BBS9: variants seen among roughly 807,000 people sequenced by gnomAD.
BBS9 encodes the protein protein PTHB1.
In BBS9, 89 loss-of-function variants were observed where a neutral mutation model predicts 117.7. The ratio of observed to expected loss-of-function variants is 0.76; its 90% CI spans 0.64 to 0.90. BBS9 has a LOEUF of 0.90. Ranked by LOEUF, BBS9 falls within the 40% of genes least tolerant of loss-of-function variation. The probability of loss-of-function intolerance (pLI) is 0.00; values close to 1 mark genes in which losing one functional copy is unlikely to be tolerated. For missense variants in BBS9, 982 were observed against 1,042.2 expected, an observed-to-expected ratio of 0.94 and a Z score of 0.80; for synonymous variants, 379 against 370.9, an observed-to-expected ratio of 1.02 and a Z score of -0.25.
chr7:33,257,154 TACATG>T (rs1797202631), intron 5 of BBS9, 77 bp from the exon 6 acceptor site: 2 of 982,080 alleles, frequency 2.0e-6, no homozygotes, highest in African/African-American at 3.3e-5. Context: ...GCCTAAGACA[TACATG>T]TTGTAGATAG....
chr7:33,381,949 G>A (rs1173761659), intron 17 of BBS9, among the ~76,000 whole-genome samples: 3 of 152,114 alleles, frequency 2.0e-5, no homozygotes, highest in Non-Finnish European at 4.4e-5. Flanking sequence ...AGAAGTAATT[G>A]CATTTATAAA....
intron 21 of BBS9, among the ~76,000 whole-genome samples, chr7:33,538,744 A>C (rs1851832420): frequency 6.6e-6 from 1 of 151,224 alleles, no homozygotes; most frequent in African/African-American, 2.4e-5. Flanking sequence ...TGTTTTTCCT[A>C]CAGAGAATAC....
intron 5 of BBS9, among the ~76,000 whole-genome samples, chr7:33,257,003 T>C (rs2128311830): frequency 6.6e-6 from 1 of 152,302 alleles, no homozygotes; most frequent in South Asian, 2.1e-4. Flanking sequence ...CTGTGAATAT[T>C]GTGCTTAATA....
chr7:33,266,030 C>T (rs1409466815), intron 7 of BBS9, among the ~76,000 whole-genome samples: 2 of 152,068 alleles, frequency 1.3e-5, no homozygotes, highest in Non-Finnish European at 2.9e-5. Flanking sequence ...GCACTTCAGC[C>T]ATATAGGGCC....
At chr7:33,411,846 G>A (rs1831198075) in intron 19 of BBS9, among the ~76,000 whole-genome samples, 2 of 152,220 alleles carry the variant, frequency 1.3e-5, no homozygotes, top group Admixed American at 1.3e-4. Context: ...ATGATTAGAG[G>A]AGGTATATAA....
At chr7:33,259,850 TC>T in intron 6 of BBS9, among the ~76,000 whole-genome samples, 1 of 152,036 alleles carries the variant, frequency 6.6e-6, no homozygotes, top group South Asian at 2.1e-4. Context: ...TCCTTCCCAT[TC>T]CCATTGGTTC....
At chr7:33,169,994 T>A (rs1437992874) in intron 4 of BBS9, among the ~76,000 whole-genome samples, 1 of 152,144 alleles carries the variant, frequency 6.6e-6, no homozygotes, top group Non-Finnish European at 1.5e-5. Flanking sequence ...TTGTATAAGG[T>A]GTAATCACAG....
chr7:33,266,447 G>T (rs1798837600), intron 7 of BBS9, among the ~76,000 whole-genome samples: 1 of 152,088 alleles, frequency 6.6e-6, no homozygotes, highest in Non-Finnish European at 1.5e-5. Context: ...AAAATAATTT[G>T]TATGATTTAA....
intron 21 of BBS9, among the ~76,000 whole-genome samples, chr7:33,555,939 A>G (rs925833174): frequency 2.6e-5 from 4 of 152,278 alleles, no homozygotes; most frequent in Non-Finnish European, 2.9e-5. Flanking sequence ...TTCATGTCAC[A>G]CTGTGTTTCT....
intron 21 of BBS9, among the ~76,000 whole-genome samples, chr7:33,560,660 G>C (rs1306840078): frequency 6.6e-6 from 1 of 152,114 alleles, no homozygotes; most frequent in Admixed American, 6.5e-5. Flanking sequence ...AGTATTTTAG[G>C]ACTGGAAGAT....
chr7:33,301,125 G>A (rs1000887791), intron 9 of BBS9, among the ~76,000 whole-genome samples: 11 of 151,418 alleles, frequency 7.3e-5, no homozygotes, highest in African/African-American at 2.2e-4. Flanking sequence ...CAATATATAT[G>A]TGTGTATATA....
chr7:33,585,984 G>T (rs1860820597), intron 21 of BBS9, among the ~76,000 whole-genome samples: 1 of 151,994 alleles, frequency 6.6e-6, no homozygotes, highest in African/African-American at 2.4e-5. Flanking sequence ...TATAATAACT[G>T]CCAATTACTG....
Position 33,569,757 on chromosome 7 carries a change from G to A in BBS9, c.2522-35108G>A, listed in dbSNP as rs571049010. The stretch of plus-strand genomic sequence containing the variant: ...AGCCTGGGTGACAGAGCGAAACTCC[G>A]TTTCAAAAAAATAAAATAAAATAAA... On this transcript the variant is annotated intron_variant, in intron 21 of 22. Coordinates refer to ENST00000242067, the MANE Select transcript of BBS9 (RefSeq NM_198428.3). 3.2e-4 allele frequency among the ~76,000 whole-genome samples: 48 copies of A among 152,068 alleles called. 1 individual carries two copies. The highest frequency in any genetic ancestry group is 9.6e-4 in the African/African-American group (40 of 41,478).
intron 5 of BBS9, among the ~76,000 whole-genome samples, chr7:33,184,987 T>A (rs2128179865): frequency 6.6e-6 from 1 of 152,322 alleles, no homozygotes; most frequent in Non-Finnish European, 1.5e-5. Context: ...GAACTGAGGT[T>A]TCCTCCCCTC....
chr7:33,520,139 G>T (rs554837268), intron 20 of BBS9, among the ~76,000 whole-genome samples: 1 of 151,968 alleles, frequency 6.6e-6, no homozygotes, highest in East Asian at 1.9e-4. Context: ...CTCTTGAGTA[G>T]CTGGGATTAC....
intron 19 of BBS9, among the ~76,000 whole-genome samples, chr7:33,478,106 A>C (rs547893488): frequency 6.6e-6 from 1 of 152,314 alleles, no homozygotes; most frequent in South Asian, 2.1e-4. Context: ...GATCTGTGAA[A>C]TAATAATGGT....
chr7:33,422,035 G>A (rs1262960367), intron 19 of BBS9, among the ~76,000 whole-genome samples: 1 of 152,066 alleles, frequency 6.6e-6, no homozygotes, highest in Non-Finnish European at 1.5e-5. Context: ...ATTTATGAAT[G>A]TGTTGGATTA....
At chr7:33,282,562 C>T (rs1802105717) in intron 9 of BBS9, among the ~76,000 whole-genome samples, 1 of 152,000 alleles carries the variant, frequency 6.6e-6, no homozygotes, top group African/African-American at 2.4e-5. Context: ...TTAGTAGAGA[C>T]AGGGTTTCAA....
At chr7:33,620,802 C>G (rs186377206) in intron 21 of BBS9, among the ~76,000 whole-genome samples, 42 of 152,206 alleles carry the variant, frequency 2.8e-4, no homozygotes, top group Admixed American at 1.3e-3. Context: ...GCAAAAAGAT[C>G]AAAGCTGGAG....
Sources: gnomAD v4.1 joint callset for allele counts (sites outside exome capture counted in the v4.1 genomes callset) on GRCh38, gnomAD v4.1.1 for gene constraint, MANE v1.5 for transcripts, NCBI Gene and HGNC (gene_info 2026-07-23, HGNC 2026-07-21) for gene names.